The following ARHGAP21 variants were observed in gnomAD, a reference collection of about 807,000 sequenced individuals.
The protein encoded by ARHGAP21 is rho GTPase-activating protein 21.
In ARHGAP21, 38 loss-of-function variants were observed where a neutral mutation model predicts 164.6. The observed-to-expected ratio is 0.23, with a 90% CI of 0.18 to 0.30. The LOEUF (loss-of-function observed/expected upper bound fraction) is 0.30, where lower values mean the gene tolerates loss of function less well. Ranked by LOEUF, ARHGAP21 falls within the 10% of genes least tolerant of loss-of-function variation. ARHGAP21 has a pLI of 1.00. For synonymous variants in ARHGAP21, 766 were observed against 857.9 expected (o/e 0.89, Z 1.87); for missense variants, 1,822 against 2,370.7 (o/e 0.77, Z 4.81).
intron 8 of ARHGAP21, 48 bp downstream of exon 8, chr10:24,622,685 C>T (rs761528475): frequency 1.3e-6 from 2 of 1,576,814 alleles, no homozygotes; most frequent in Non-Finnish European, 1.7e-6. Flanking sequence ...CAAATCTCTA[C>T]AAAACATGAC....
At chr10:24,664,570 T>A (rs200226356) in intron 4 of ARHGAP21, among the ~76,000 whole-genome samples, 4,050 of 148,022 alleles carry the variant, frequency 0.027, 179 homozygotes, top group African/African-American at 0.09. Flanking sequence ...AAAAAAATAA[T>A]AATAATAATA....
intron 2 of ARHGAP21, among the ~76,000 whole-genome samples, chr10:24,712,588 A>T (rs1468479822): frequency 1.3e-5 from 2 of 152,224 alleles, no homozygotes; most frequent in African/African-American, 4.8e-5. Flanking sequence ...ACAAGAACAA[A>T]AACTCTGTAC....
chr10:24,591,607 A>G (rs1564958548), intron 23 of ARHGAP21, 35 bp downstream of exon 23: 1 of 1,609,678 alleles, frequency 6.2e-7, no homozygotes, highest in East Asian at 2.2e-5. Flanking sequence ...CCCAAATGAA[A>G]CTACTGAGTA....
At chr10:24,589,175 T>C in intron 25 of ARHGAP21, 96 bp downstream of exon 25, 5 of 1,041,622 alleles carry the variant, frequency 4.8e-6, no homozygotes, top group Non-Finnish European at 7.4e-6. Flanking sequence ...TCTGTCTCAT[T>C]AGACATAGAG....
chr10:24,623,074 A>G (rs1393215527), intron 7 of ARHGAP21, among the ~76,000 whole-genome samples: 2 of 152,004 alleles, frequency 1.3e-5, no homozygotes, highest in Non-Finnish European at 2.9e-5. Context: ...ACATGCTACA[A>G]AGCTTCCCTC....
chr10:24,641,588 T>C (rs1837025296), intron 4 of ARHGAP21, among the ~76,000 whole-genome samples: 1 of 152,218 alleles, frequency 6.6e-6, no homozygotes, highest in Non-Finnish European at 1.5e-5. Flanking sequence ...GATCTTCAAG[T>C]AGTAACAAAT....
chr10:24,651,366 G>T (rs532750845), intron 4 of ARHGAP21, among the ~76,000 whole-genome samples: 4 of 152,068 alleles, frequency 2.6e-5, no homozygotes, highest in Non-Finnish European at 5.9e-5. Context: ...CTTTCACAGG[G>T]GTCAGGCCTG....
Position 24,656,164 on chromosome 10 carries a change from G to GT in ARHGAP21, c.268+10820_268+10821insA, listed in dbSNP as rs1184383008. Among the ~76,000 whole-genome samples the GT allele has an allele frequency of 1.0e-3, 139 of 139,428 alleles. 2 individuals carry two copies. The highest frequency in any genetic ancestry group is 1.5e-3 in the Non-Finnish European group (98 of 63,974). 91.5% of individuals were successfully genotyped at this position (139,428 alleles called of 152,430 possible). A position where few individuals can be genotyped will look rare whatever the true frequency, so the allele number is the denominator to read the frequency against. On this transcript the variant is annotated intron_variant, in intron 4 of 25. Coordinates refer to ENST00000396432, the MANE Select transcript of ARHGAP21 (RefSeq NM_020824.4). ...AGCCACCCCGTCCGGGAGGGAGGTG[G>GT]GGGGGGTCAGCCCCCCGCCCGGCCA...
At chr10:24,606,039 A>C (rs2077010250) in intron 11 of ARHGAP21, among the ~76,000 whole-genome samples, 1 of 152,186 alleles carries the variant, frequency 6.6e-6, no homozygotes, top group African/African-American at 2.4e-5. Flanking sequence ...GACAATAGAG[A>C]TATTAGAAAA....
At chr10:24,681,368 T>C (rs1841737341) in intron 2 of ARHGAP21, among the ~76,000 whole-genome samples, 1 of 152,230 alleles carries the variant, frequency 6.6e-6, no homozygotes, top group South Asian at 2.1e-4. Context: ...AGTCTACATG[T>C]TCAACAGAGA....
At chr10:24,617,345 T>C (rs1197514894) in intron 9 of ARHGAP21, among the ~76,000 whole-genome samples, 2 of 152,154 alleles carry the variant, frequency 1.3e-5, no homozygotes, top group African/African-American at 4.8e-5. Context: ...AGGAAGAAAA[T>C]ATGATGCCAC....
rs548081596 is a variant in ARHGAP21 at position 24,702,279 on chromosome 10, C to T, written c.63+19558G>A. 3.3e-5 allele frequency among the ~76,000 whole-genome samples: 5 copies of T among 151,800 alleles called. No homozygotes were observed. The South Asian group carries it at 6.3e-4, about 19-fold the overall frequency. ...CTGAGTAGCTGGGACTACAGGCACC[C>T]GCCATCACGCCTGGCTAATTTTTTT... On this transcript the variant is annotated intron_variant, in intron 2 of 25. Coordinates refer to ENST00000396432, the MANE Select transcript of ARHGAP21 (RefSeq NM_020824.4).
At chr10:24,649,717 A>C (rs1282635157) in intron 4 of ARHGAP21, among the ~76,000 whole-genome samples, 1 of 151,972 alleles carries the variant, frequency 6.6e-6, no homozygotes, top group African/African-American at 2.4e-5. Flanking sequence ...AAAAAAAAAA[A>C]CCATGGAAAA....
intron 4 of ARHGAP21, among the ~76,000 whole-genome samples, chr10:24,658,742 G>A (rs1001593761): frequency 2.0e-5 from 3 of 152,030 alleles, no homozygotes; most frequent in Admixed American, 6.6e-5. Flanking sequence ...ACGAGTTAAC[G>A]GGTGCAGCAC....
At position 24,591,623 on chromosome 10, in the gene ARHGAP21, G is replaced by A. The variant is rs2076335321; in HGVS notation, c.4044+19C>T. 6.2e-7 allele frequency: 1 copy of A among 1,612,918 alleles called. No homozygotes were observed. Among genetic ancestry groups the A allele is most frequent in the Non-Finnish European group, 8.5e-7 (1 of 1,178,930 alleles). Reference sequence around the variant, plus strand: ...CCAAATGAAACTACTGAGTACAAATGCTGACAGACAATACTTACAAGAGGC... The same window carrying A: ...CCAAATGAAACTACTGAGTACAAATACTGACAGACAATACTTACAAGAGGC... On this transcript the variant is annotated intron_variant, in intron 23 of 25. Coordinates refer to ENST00000396432, the MANE Select transcript of ARHGAP21 (RefSeq NM_020824.4).
In ARHGAP21 at chr10:24,619,435, C is replaced by T. The variant is rs757475597; in HGVS notation, c.2422+38G>A. ...TACTTTTCTGGAAAGATTTCTTATA[C>T]ATTTGGCATATTAGCCAATGACTCT... On this transcript the variant is annotated intron_variant, in intron 9 of 25. Coordinates refer to ENST00000396432, the MANE Select transcript of ARHGAP21 (RefSeq NM_020824.4). 7 of 1,553,010 alleles carry T rather than the reference C, an allele frequency of 4.5e-6. No homozygotes were observed. The East Asian group carries it at 1.6e-4, about 35-fold the overall frequency.
intron 2 of ARHGAP21, among the ~76,000 whole-genome samples, chr10:24,677,754 A>G (rs896751560): frequency 2.6e-5 from 4 of 152,188 alleles, no homozygotes; most frequent in Admixed American, 6.5e-5. Context: ...TCCAAATGAG[A>G]GTTCATTGTA....
chr10:24,670,163 G>A, intron 3 of ARHGAP21, 55 bp downstream of exon 3: 1 of 1,299,670 alleles, frequency 7.7e-7, no homozygotes, highest in Non-Finnish European at 1.0e-6. Flanking sequence ...GACTAGAAGG[G>A]GATAGGAATG....
chr10:24,712,979 T>C (rs1844984705), intron 2 of ARHGAP21, among the ~76,000 whole-genome samples: 1 of 150,520 alleles, frequency 6.6e-6, no homozygotes, highest in African/African-American at 2.5e-5. Flanking sequence ...TACCTCAAGG[T>C]TAAAAAAAAA....
Sources: allele counts gnomAD v4.1 joint callset (sites outside exome capture counted in the v4.1 genomes callset), GRCh38; gene constraint gnomAD v4.1.1; transcripts MANE v1.5; gene names NCBI Gene and HGNC (gene_info 2026-07-23, HGNC 2026-07-21).